The following GPALPP1 variants were observed in gnomAD, a reference collection of about 807,000 sequenced individuals.
The protein encoded by GPALPP1 is GPALPP motifs-containing protein 1.
A neutral mutation model predicts 38.9 loss-of-function variants in GPALPP1; 30 were observed. That is an observed-to-expected ratio of 0.77 (90% CI 0.58 to 1.05). The LOEUF (loss-of-function observed/expected upper bound fraction) is 1.05, where lower values mean the gene tolerates loss of function less well. Among genes scored for constraint, GPALPP1 ranks in the 50% least tolerant of loss-of-function variants. The pLI, the probability that GPALPP1 is intolerant of heterozygous loss-of-function variation, is 0.00. For missense variants in GPALPP1, 384 were observed against 408.8 expected, an observed-to-expected ratio of 0.94 and a Z score of 0.52; for synonymous variants, 120 against 139.2, an observed-to-expected ratio of 0.86 and a Z score of 0.97.
chr13:45,034,268 A>T (rs1876327084), downstream of GPALPP1: 1 of 152,342 alleles, frequency 6.6e-6, no homozygotes, highest in South Asian at 2.1e-4. Context: ...GTATTCACAG[A>T]TAAGTAAAGC....
At chr13:44,998,153 C>A (rs2137956725) in intron 1 of GPALPP1, among the ~76,000 whole-genome samples, 1 of 152,302 alleles carries the variant, frequency 6.6e-6, no homozygotes, top group Middle Eastern at 3.4e-3. Context: ...TAAAAACTAT[C>A]CTAAATCCAC....
chr13:44,991,528 G>A (rs1756203310), intron 1 of GPALPP1, among the ~76,000 whole-genome samples: 1 of 152,188 alleles, frequency 6.6e-6, no homozygotes, highest in African/African-American at 2.4e-5. Flanking sequence ...CACGTAGTGT[G>A]TCATTTTAAA....
chr13:45,033,190 C>G (rs1423793249), downstream of GPALPP1: 1 of 152,100 alleles, frequency 6.6e-6, no homozygotes, highest in Non-Finnish European at 1.5e-5. Flanking sequence ...TATTAAACTA[C>G]TAATAGGAGG....
chr13:45,030,868 T>C (rs1364968272), downstream of GPALPP1: 1 of 152,162 alleles, frequency 6.6e-6, no homozygotes, highest in Non-Finnish European at 1.5e-5. Flanking sequence ...ATTAAAAAGA[T>C]GAATTAGCTG....
chr13:45,032,349 T>G (rs1198326310), downstream of GPALPP1, among the ~76,000 whole-genome samples: 1 of 152,046 alleles, frequency 6.6e-6, no homozygotes, highest in Non-Finnish European at 1.5e-5. Flanking sequence ...AGATCTTGTT[T>G]AGATGTAGCA....
At chr13:44,997,860 A>C (rs1349055071) in intron 1 of GPALPP1, among the ~76,000 whole-genome samples, 2 of 152,072 alleles carry the variant, frequency 1.3e-5, no homozygotes, top group Non-Finnish European at 2.9e-5. Context: ...GATCAGTCCA[A>C]GTGTTTACCC....
At chr13:45,006,161 T>A in intron 2 of GPALPP1, 41 bp from the exon 3 acceptor site, 3 of 1,171,636 alleles carry the variant, frequency 2.6e-6, no homozygotes, top group Non-Finnish European at 3.7e-6. Flanking sequence ...GTGAAAAAAA[T>A]TTTGACATAT....
Position 44,990,038 on chromosome 13 carries a change from T to C in GPALPP1, c.88+296T>C, listed in dbSNP as rs1026551872. 4 of 510,388 alleles carry C rather than the reference T, an allele frequency of 7.8e-6. No homozygotes were observed. In the African/African-American group the frequency reaches 7.9e-5, roughly 10 times the overall value. The allele number at this position is 510,388 out of a possible 1,614,324, so 31.6% of individuals were successfully genotyped here. ...GATACCCACTCAGTCATTTAAGCCG[T>C]ATAAGAAAAAAACTATTTTCCCATG... On this transcript the variant is annotated intron_variant, in intron 1 of 7. Transcript: ENST00000379151.
At chr13:45,007,172 C>G (rs1019512278) in intron 3 of GPALPP1, among the ~76,000 whole-genome samples, 1 of 152,000 alleles carries the variant, frequency 6.6e-6, no homozygotes. Flanking sequence ...CACAGAGACC[C>G]ACATGTGGCT....
At chr13:45,006,728 T>C (rs186682889) in intron 3 of GPALPP1, among the ~76,000 whole-genome samples, 1 of 152,304 alleles carries the variant, frequency 6.6e-6, no homozygotes, top group East Asian at 1.9e-4. Flanking sequence ...TGGACTAACT[T>C]CTCTGAATCT....
In GPALPP1 at chr13:44,991,227, T is replaced by C. The variant is rs1872776523; in HGVS notation, c.88+1485T>C. Among the ~76,000 whole-genome samples the C allele has an allele frequency of 2.0e-5, 3 of 151,880 alleles. No homozygotes were observed. In the South Asian group the frequency reaches 6.3e-4, roughly 32 times the overall value. ...GCTTTGGGAGGCCGAGGCGGGCGGA[T>C]CACGAGGTCGAGAGATCGAGACCAT... is the stretch of plus-strand genomic sequence containing the variant. On this transcript the variant is annotated intron_variant, in intron 1 of 7. Coordinates refer to ENST00000379151, the MANE Select transcript of GPALPP1 (RefSeq NM_018559.5).
intron 6 of GPALPP1, among the ~76,000 whole-genome samples, chr13:45,019,604 C>CTT (rs751928407): frequency 3.2e-5 from 4 of 126,598 alleles, no homozygotes; most frequent in South Asian, 2.6e-4. Context: ...CACAATTTTT[C>CTT]TTTTTTTTTT....
Position 45,004,412 on chromosome 13 carries a change from G to A in GPALPP1, c.196G>A (p.Glu66Lys). The change falls in exon 2 of 8, where the codon GAA (glutamate) becomes AAA (lysine). Residue 66 changes from glutamate (E) to lysine (K), a missense_variant. Coordinates refer to ENST00000379151, the MANE Select transcript of GPALPP1 (RefSeq NM_018559.5). ...LYEEGNQESEEDDSGPTARKQ... is the reference protein window; with the variant it reads ...LYEEGNQESEKDDSGPTARKQ... ...CGAAGAAGGAAATCAAGAATCTGAAGAAGATGACAGTGGTCCAACTGCAAG... is the reference window on the plus strand; with the variant it reads ...CGAAGAAGGAAATCAAGAATCTGAAAAAGATGACAGTGGTCCAACTGCAAG... 2 of 1,610,200 alleles carry A rather than the reference G, an allele frequency of 1.2e-6. No individual in the cohort carries two copies. The highest frequency in any genetic ancestry group is 2.2e-5 in the South Asian group (2 of 90,954).
chr13:45,020,440 A>G lies in GPALPP1; in HGVS notation c.804+12A>G. On this transcript the variant is annotated intron_variant, in intron 7 of 7. Transcript: ENST00000379151. The stretch of plus-strand genomic sequence containing the variant: ...TATCTTCATACAATGTAAGTAAGAA[A>G]ATAAGATATATAGAGCCAGGTGTGA... The G allele has an allele frequency of 9.4e-7, 1 of 1,066,786 alleles. No homozygotes were observed. The highest frequency in any genetic ancestry group is 1.5e-6 in the Non-Finnish European group (1 of 682,884). 66.1% of individuals were successfully genotyped at this position (1,066,786 alleles called of 1,614,324 possible). A position where few individuals can be genotyped will look rare whatever the true frequency, so the allele number is the denominator to read the frequency against.
chr13:45,007,628 G>C (rs544111894), intron 3 of GPALPP1, among the ~76,000 whole-genome samples: 2 of 152,300 alleles, frequency 1.3e-5, no homozygotes, highest in South Asian at 4.1e-4. Context: ...GAAGTTTCAT[G>C]AATCAAGACA....
chr13:45,003,008 T>C (rs1258902161), intron 1 of GPALPP1, among the ~76,000 whole-genome samples: 1 of 152,244 alleles, frequency 6.6e-6, no homozygotes, highest in African/African-American at 2.4e-5. Flanking sequence ...TGAATTGATC[T>C]TAATTCTTTT....
chr13:45,037,107 C>G (rs1483157621), exon 8 of GPALPP1: 2 of 152,172 alleles, frequency 1.3e-5, no homozygotes, highest in Admixed American at 1.3e-4. Flanking sequence ...ATTTTCATAT[C>G]TCTGATTACT....
intron 1 of GPALPP1, chr13:44,990,202 G>T (rs369016556): frequency 8.1e-6 from 3 of 370,814 alleles, no homozygotes; most frequent in African/African-American, 4.2e-5. Flanking sequence ...TGCAGATCCT[G>T]TTCTCTCCAG....
intron 6 of GPALPP1, among the ~76,000 whole-genome samples, chr13:45,019,109 T>TTATATG (rs1214964136): frequency 4.7e-5 from 6 of 127,462 alleles, no homozygotes; most frequent in Admixed American, 8.3e-5. Context: ...TTATATATAT[T>TTATATG]TATATGTATA....
Sources: gnomAD v4.1 joint callset for allele counts (sites outside exome capture counted in the v4.1 genomes callset) on GRCh38, gnomAD v4.1.1 for gene constraint, MANE v1.5 for transcripts, NCBI Gene and HGNC (gene_info 2026-07-23, HGNC 2026-07-21) for gene names.